The following RPSA2 variants were observed in gnomAD, a reference collection of about 807,000 sequenced individuals.
The protein encoded by RPSA2 is small ribosomal subunit protein uS2B.
chr19:23,808,125 C>T, the RPSA2 span, among the ~76,000 whole-genome samples: 8 of 152,058 alleles, frequency 5.3e-5, no homozygotes, highest in South Asian at 8.3e-4. Flanking sequence ...CATTCCTGAG[C>T]GGATCTGTGT....
At chr19:23,773,996 A>ACG in the RPSA2 span, among the ~76,000 whole-genome samples, 1 of 152,180 alleles carries the variant, frequency 6.6e-6, no homozygotes, top group Non-Finnish European at 1.5e-5. Context: ...GAGTGATCTG[A>ACG]CTCTTGCCTA....
At chr19:23,830,344 C>T in the RPSA2 span, among the ~76,000 whole-genome samples, 1 of 152,142 alleles carries the variant, frequency 6.6e-6, no homozygotes, top group Non-Finnish European at 1.5e-5. Flanking sequence ...AGGGTTTCAC[C>T]ATCTTGTCCA....
the RPSA2 span, among the ~76,000 whole-genome samples, chr19:23,860,924 C>A: frequency 2.0e-5 from 3 of 152,136 alleles, no homozygotes; most frequent in Non-Finnish European, 4.4e-5. Flanking sequence ...ATAAAAGAAA[C>A]TAGACACACT....
chr19:23,869,181 C>A, the RPSA2 span, among the ~76,000 whole-genome samples: 3 of 152,068 alleles, frequency 2.0e-5, no homozygotes, highest in East Asian at 3.9e-4. Flanking sequence ...CTCCAGGACC[C>A]CTATGTCTGG....
At chr19:23,867,961 AAC>A in the RPSA2 span, among the ~76,000 whole-genome samples, 1,054 of 152,318 alleles carry the variant, frequency 6.9e-3, 14 homozygotes, top group African/African-American at 0.024. Flanking sequence ...AATGGCCCCT[AAC>A]ACAGGAGAAG....
At chr19:23,793,656 G>T in the RPSA2 span, among the ~76,000 whole-genome samples, 63 of 151,954 alleles carry the variant, frequency 4.1e-4, no homozygotes, top group African/African-American at 1.5e-3. Flanking sequence ...TCCTCCTCCG[G>T]AGCTCAGGTG....
At chr19:23,826,940 T>C in the RPSA2 span, 4 of 545,852 alleles carry the variant, frequency 7.3e-6, no homozygotes, top group Non-Finnish European at 1.3e-5. Context: ...TCTGCCTGCC[T>C]TGGCCTCCCA....
At chr19:23,781,832 C>T in the RPSA2 span, among the ~76,000 whole-genome samples, 15 of 152,278 alleles carry the variant, frequency 9.9e-5, no homozygotes, top group Non-Finnish European at 1.8e-4. Flanking sequence ...CACCTTGGCC[C>T]AGCATCTGAG....
At chr19:23,789,734 G>A in the RPSA2 span, among the ~76,000 whole-genome samples, 10 of 148,556 alleles carry the variant, frequency 6.7e-5, no homozygotes, top group Non-Finnish European at 1.2e-4. Context: ...TTTGGAGACA[G>A]AGTCTCGCTC....
At chr19:23,761,930 T>TCTCTCGC in the RPSA2 span, among the ~76,000 whole-genome samples, 1 of 127,366 alleles carries the variant, frequency 7.9e-6, no homozygotes, top group Non-Finnish European at 1.6e-5. Flanking sequence ...CTTTTTTTTT[T>TCTCTCGC]TTTTTGAGAT....
chr19:23,824,580 C>CTTTCTTTTTTCTTT, the RPSA2 span, among the ~76,000 whole-genome samples: 1 of 63,822 alleles, frequency 1.6e-5, no homozygotes, highest in Admixed American at 2.4e-4. Context: ...TATAGCATTT[C>CTTTCTTTTTTCTTT]TTTTTTTTTT....
chr19:23,758,863 G>C, the RPSA2 span: 1 of 1,456,642 alleles, frequency 6.9e-7, no homozygotes, highest in Non-Finnish European at 9.4e-7. Flanking sequence ...GTGAAGACGA[G>C]ACCCGGAGCT....
the RPSA2 span, among the ~76,000 whole-genome samples, chr19:23,781,369 G>A: frequency 3.0e-4 from 45 of 152,058 alleles, no homozygotes; most frequent in African/African-American, 1.0e-3. Context: ...ATGGAGTTTC[G>A]CTCTTCTTAC....
chr19:23,806,637 T>C, the RPSA2 span, among the ~76,000 whole-genome samples: 1 of 151,370 alleles, frequency 6.6e-6, no homozygotes, highest in Non-Finnish European at 1.5e-5. Flanking sequence ...TACAAAAAAT[T>C]AGCCAGGCAT....
At chr19:23,794,148 G>A in the RPSA2 span, among the ~76,000 whole-genome samples, 6,603 of 152,246 alleles carry the variant, frequency 0.043, 202 homozygotes, top group South Asian at 0.14. Context: ...TGTGACTAGT[G>A]CTGCAGTGAA....
chr19:23,833,275 G>T, the RPSA2 span: 6 of 847,556 alleles, frequency 7.1e-6, no homozygotes, highest in Non-Finnish European at 9.0e-6. Flanking sequence ...ATGCACATAA[G>T]ATAACTTATA....
At chr19:23,846,042 A>G in the RPSA2 span, among the ~76,000 whole-genome samples, 2 of 152,192 alleles carry the variant, frequency 1.3e-5, no homozygotes, top group Non-Finnish European at 2.9e-5. Flanking sequence ...TGTTACCTAT[A>G]GAGATATTGT....
chr19:23,847,008 A>G, the RPSA2 span, among the ~76,000 whole-genome samples: 1 of 152,002 alleles, frequency 6.6e-6, no homozygotes, highest in African/African-American at 2.4e-5. Flanking sequence ...TTGTTTAGTC[A>G]CTTTATGTAG....
At chr19:23,811,817 T>C in the RPSA2 span, among the ~76,000 whole-genome samples, 1 of 120,940 alleles carries the variant, frequency 8.3e-6, no homozygotes, top group Non-Finnish European at 1.7e-5. Context: ...CAATGTAAGG[T>C]ATTATTTGCT....
Sources: gnomAD v4.1 joint callset for allele counts (sites outside exome capture counted in the v4.1 genomes callset) on GRCh38, gnomAD v4.1.1 for gene constraint, MANE v1.5 for transcripts, NCBI Gene and HGNC (gene_info 2026-07-23, HGNC 2026-07-21) for gene names.